The following HPS1 variants were observed in gnomAD, a reference collection of about 807,000 sequenced individuals.
HPS1 encodes the protein HPS1 biogenesis of lysosomal organelles complex 3 subunit 1, also known as BLOC-3 complex member HPS1.
A neutral mutation model predicts 90.6 loss-of-function variants in HPS1; 59 were observed. The ratio of observed to expected loss-of-function variants is 0.65; its 90% CI spans 0.53 to 0.81. The LOEUF (loss-of-function observed/expected upper bound fraction) is 0.81, where lower values mean the gene tolerates loss of function less well. Ranked by LOEUF, HPS1 falls within the 30% of genes least tolerant of loss-of-function variation. HPS1 has a pLI of 0.00. For missense variants in HPS1, 849 were observed against 896.7 expected (o/e 0.95, Z 0.68); for synonymous variants, 388 against 384.4 (o/e 1.01, Z -0.11).
chr10:98,422,254 C>T, intron 17 of HPS1, 115 bp downstream of exon 17: 1 of 1,170,284 alleles, frequency 8.5e-7, no homozygotes, highest in African/African-American at 1.5e-5. Flanking sequence ...CCACTGCCTC[C>T]TTGGGCCTGC....
Position 98,420,097 on chromosome 10 carries a change from A to G in HPS1, c.1805T>C (p.Phe602Ser). The change falls in exon 18 of 20, where the codon TTC becomes TCC. Residue 602 changes from phenylalanine (F) to serine (S), a missense_variant. Coordinates refer to ENST00000361490, the MANE Select transcript of HPS1 (RefSeq NM_000195.5). Reference sequence around the variant, plus strand: ...GGAGCAGTAGAAATCCCCCTCCTGGAACAGCAGCGTGGTGTAGCCCTTCTG... The same window carrying G: ...GGAGCAGTAGAAATCCCCCTCCTGGGACAGCAGCGTGGTGTAGCCCTTCTG... ...YLQKGYTTLL[F>S]QEGDFYCSYF... 1 of 1,614,126 alleles carries G rather than the reference A, an allele frequency of 6.2e-7. No homozygotes were observed. Among genetic ancestry groups the G allele is most frequent in the Non-Finnish European group, 8.5e-7 (1 of 1,179,982 alleles).
At chr10:98,415,324 T>TC (rs1428729061), downstream of HPS1, 1 of 747,668 alleles carries the variant, frequency 1.3e-6, no homozygotes, top group African/African-American at 1.8e-5. Context: ...TGCTGGGCCG[T>TC]CGGGAGTGTT....
chr10:98,436,790 G>A (rs538044119), intron 3 of HPS1, among the ~76,000 whole-genome samples: 53 of 152,336 alleles, frequency 3.5e-4, no homozygotes, highest in African/African-American at 1.2e-3. Flanking sequence ...GTCCTAACTT[G>A]GAGCTGGGGA....
chr10:98,429,616 C>T lies in HPS1; in HGVS notation c.894G>A (p.Glu298=). ...ETETDSFSLP[E]EYFTPAPSPG... ...GGGAAGGAGCTGGTGTGAAGTACTC[C>T]TCAGGGAGGGAGAAGCTGTCTGTCT... Residue 298 remains glutamate, a synonymous_variant, in exon 10 of 20, where the codon GAG becomes GAA. Coordinates refer to ENST00000361490, the MANE Select transcript of HPS1 (RefSeq NM_000195.5). 1 of 1,614,230 alleles carries T rather than the reference C, an allele frequency of 6.2e-7. No individual in the cohort carries two copies. The highest frequency in any genetic ancestry group is 8.5e-7 in the Non-Finnish European group (1 of 1,180,030).
intron 8 of HPS1, 56 bp downstream of exon 8, chr10:98,430,515 G>A: frequency 7.1e-7 from 1 of 1,408,082 alleles, no homozygotes; most frequent in South Asian, 1.2e-5. Flanking sequence ...CTTCAGGCAG[G>A]TTTTCTGAAC....
intron 8 of HPS1, 74 bp from the exon 9 acceptor site, chr10:98,429,963 C>A (rs1846186573): frequency 7.2e-7 from 1 of 1,386,752 alleles, no homozygotes; most frequent in African/African-American, 1.4e-5. Context: ...CCTCCCAGCG[C>A]TTCACAGAGA....
intron 17 of HPS1, 66 bp from the exon 18 acceptor site, chr10:98,420,224 C>T (rs908291566): frequency 2.0e-5 from 24 of 1,181,496 alleles, no homozygotes; most frequent in East Asian, 4.7e-5. Context: ...CTCTCACCTC[C>T]GAAGGAAGGA....
At chr10:98,426,118 C>T in intron 11 of HPS1, 133 bp from the exon 12 acceptor site, 1 of 747,388 alleles carries the variant, frequency 1.3e-6, no homozygotes, top group South Asian at 1.8e-5. Context: ...TTCCTGCACT[C>T]TGCTGAACCT....
intron 3 of HPS1, among the ~76,000 whole-genome samples, chr10:98,436,955 C>T (rs1413936463): frequency 6.6e-6 from 1 of 152,200 alleles, no homozygotes. Flanking sequence ...CCAGCTCCCA[C>T]AGTTAGTCTG....
Position 98,429,530 on chromosome 10 carries a change from C to T in HPS1, c.937+43G>A, listed in dbSNP as rs774202115. ...CAGATGTCCTGGGCTGCCTGTCGCT[C>T]GCAGCTAGCTATTGTTTCCTCCTGC... is the stretch of plus-strand genomic sequence containing the variant. On this transcript the variant is annotated intron_variant, in intron 10 of 19. Coordinates refer to ENST00000361490, the MANE Select transcript of HPS1 (RefSeq NM_000195.5). 25 of 1,613,874 alleles carry T rather than the reference C, an allele frequency of 1.5e-5. No individual in the cohort carries two copies. The East Asian group carries it at 3.6e-4, about 23-fold the overall frequency.
chr10:98,425,593 A>T lies in HPS1; in HGVS notation c.1283T>A (p.Leu428Gln), dbSNP rs768872636. The T allele has an allele frequency of 2.0e-5, 33 of 1,613,824 alleles. No individual in the cohort carries two copies. In the South Asian group the frequency reaches 3.2e-4, roughly 16 times the overall value. ...GACAAACTTGTCCATCCTCTGGCGC[A>T]GGTCTCCCACGAGGGGCTGGGAGCG... is the stretch of plus-strand genomic sequence containing the variant. ...SLRSQPLVGD[L>Q]RQRMDKFVKN... The change falls in exon 13 of 20, where the codon CTG becomes CAG. Residue 428 changes from leucine to glutamine, a missense_variant. Leu to Gln is a moderately radical substitution (Grantham distance 113). Transcript: ENST00000361490.
intron 18 of HPS1, 68 bp from the exon 19 acceptor site, chr10:98,418,325 G>T (rs1844388705): frequency 1.2e-6 from 1 of 857,142 alleles, no homozygotes; most frequent in Non-Finnish European, 1.9e-6. Context: ...GACGCACCGG[G>T]CTTGCGGCCT....
At chr10:98,420,252 G>T (rs1844681202) in intron 17 of HPS1, 94 bp from the exon 18 acceptor site, 1 of 892,068 alleles carries the variant, frequency 1.1e-6, no homozygotes. Context: ...CAGCCGAGAA[G>T]CTCCGTGAGT....
intron 5 of HPS1, among the ~76,000 whole-genome samples, chr10:98,434,703 A>G (rs1279320300): frequency 6.6e-6 from 1 of 151,904 alleles, no homozygotes. Context: ...TGATACTACG[A>G]ACTTCTCTTT....
chr10:98,418,009 C>T (rs746741004), intron 19 of HPS1, 166 bp downstream of exon 19: 10 of 644,198 alleles, frequency 1.6e-5, no homozygotes, highest in Non-Finnish European at 2.5e-5. Flanking sequence ...ACCCTCCACA[C>T]CCGTCCTCCC....
rs1176069622 is a variant in HPS1, at chr10:98,435,769, G to A, written c.121C>T (p.Pro41Ser). 2 of 1,614,014 alleles carry A rather than the reference G, an allele frequency of 1.2e-6. No homozygotes were observed. The highest frequency in any genetic ancestry group is 1.7e-6 in the Non-Finnish European group (2 of 1,180,016). Reference sequence around the variant, plus strand: ...GTGCTGAGCTGGTCCTCCAGGGCAGGGAGCTGCAAAAATGGGGGAAAATTT... The same window carrying A: ...GTGCTGAGCTGGTCCTCCAGGGCAGAGAGCTGCAAAAATGGGGGAAAATTT... Reference protein sequence around the residue: ...GQSENEEEELPALEDQLSTLL... With the variant: ...GQSENEEEELSALEDQLSTLL... Residue 41 changes from proline to serine, a missense_variant, in exon 4 of 20, where the codon CCT (proline) becomes TCT (serine). Pro to Ser is a moderately conservative substitution (Grantham distance 74). Transcript: ENST00000361490. This position sits in a 1 kb window ranked among gnomAD's most constrained non-coding sequence, Gnocchi z 4.3.
At position 98,425,934 on chromosome 10, in the gene HPS1, C is replaced by T. The variant is rs1240455557; in HGVS notation, c.1039G>A (p.Gly347Ser). The T allele has an allele frequency of 1.2e-6, 2 of 1,614,102 alleles. No homozygotes were observed. Among genetic ancestry groups the T allele is most frequent in the Non-Finnish European group, 1.7e-6 (2 of 1,179,978 alleles). Residue 347 changes from glycine to serine, a missense_variant, in exon 12 of 20, where the codon GGC becomes AGC. Physicochemically the swap from Gly to Ser is moderately conservative, Grantham distance 56. Transcript: ENST00000361490. ...GCATCCAGGAAGATCCTTCTGGGGC[C>T]GGAAGGCACAGGGCAGTGGGGAACC... is the stretch of plus-strand genomic sequence containing the variant. ...TLVPHCPVPS[G>S]PRRIFLDANV...
chr10:98,422,423 T>C lies in HPS1; in HGVS notation c.1689A>G (p.Gln563=), dbSNP rs773246956. 6.2e-6 allele frequency: 10 copies of C among 1,614,206 alleles called. No individual in the cohort carries two copies. Among genetic ancestry groups the C allele is most frequent in the Admixed American group, 1.7e-5 (1 of 60,032 alleles). ...QMVAPSLNCS[Q]KTSSELGKGP... ...CCTTGCCCAACTCCGACGAGGTCTT[T>C]TGACTGCAGTTGAGGGAAGGCGCCA... Residue 563 remains glutamine, a synonymous_variant, in exon 17 of 20, where the codon CAA becomes CAG. Coordinates refer to ENST00000361490, the MANE Select transcript of HPS1 (RefSeq NM_000195.5).
chr10:98,416,417 TC>T lies in HPS1; in HGVS notation c.*1146del, dbSNP rs1844125100. 6.6e-6 allele frequency: 1 copy of T among 152,336 alleles called. No individual in the cohort carries two copies. The highest frequency in any genetic ancestry group is 1.5e-5 in the Non-Finnish European group (1 of 68,048). The allele number at this position is 152,336 out of a possible 1,614,324, so 9.4% of individuals were successfully genotyped here. A position where few individuals can be genotyped will look rare whatever the true frequency, so the allele number is the denominator to read the frequency against. ...ATCCACGCTTTTCATTGCCATTCCA[TC>T]AGATGATGTTAAGGAGGAACACAGA... is the stretch of plus-strand genomic sequence containing the variant. On this transcript the variant is annotated 3_prime_UTR_variant, in exon 20 of 20. Coordinates refer to ENST00000361490, the MANE Select transcript of HPS1 (RefSeq NM_000195.5).
Sources: gnomAD v4.1 joint callset for allele counts (sites outside exome capture counted in the v4.1 genomes callset) on GRCh38, gnomAD v4.1.1 for gene constraint, Gnocchi (gnomAD v3.1) non-coding constraint, MANE v1.5 for transcripts, NCBI Gene and HGNC (gene_info 2026-07-23, HGNC 2026-07-21) for gene names.